The following ARHGAP22 variants were observed in gnomAD, a reference collection of about 807,000 sequenced individuals.
ARHGAP22 encodes the protein rho GTPase-activating protein 22.
In ARHGAP22, 48 loss-of-function variants were observed where a neutral mutation model predicts 59.1. That is an observed-to-expected ratio of 0.81 (90% CI 0.64 to 1.03). The LOEUF is 1.03. ARHGAP22 is among the 50% of genes least tolerant of loss of function. The pLI is 0.00. For synonymous variants in ARHGAP22, 445 were observed against 416.4 expected, an observed-to-expected ratio of 1.07 and a Z score of -0.84; for missense variants, 1,015 against 958.7, an observed-to-expected ratio of 1.06 and a Z score of -0.78.
intron 3 of ARHGAP22, among the ~76,000 whole-genome samples, chr10:48,520,784 G>A (rs1331689418): frequency 6.6e-6 from 1 of 152,126 alleles, no homozygotes; most frequent in African/African-American, 2.4e-5. Flanking sequence ...GCAGCAGGAA[G>A]GGTGAGGGGC....
intron 1 of ARHGAP22, among the ~76,000 whole-genome samples, chr10:48,619,991 A>G (rs1377660634): frequency 6.6e-6 from 1 of 152,254 alleles, no homozygotes; most frequent in Non-Finnish European, 1.5e-5. Context: ...GAACTCAAAT[A>G]CCTCAAAAAC....
intron 2 of ARHGAP22, among the ~76,000 whole-genome samples, chr10:48,573,143 C>T (rs1319686729): frequency 1.3e-5 from 2 of 152,204 alleles, no homozygotes; most frequent in Non-Finnish European, 2.9e-5. Context: ...AGGTTGGAGC[C>T]ATGTCGCCTG....
chr10:48,472,076 G>A (rs1271931229), intron 4 of ARHGAP22, among the ~76,000 whole-genome samples: 6 of 151,822 alleles, frequency 4.0e-5, no homozygotes, highest in Non-Finnish European at 7.4e-5. Flanking sequence ...GTGCGGTGGC[G>A]GGTGCCTGTA....
chr10:48,605,744 T>C (rs2060646088), upstream of ARHGAP22, among the ~76,000 whole-genome samples: 1 of 152,212 alleles, frequency 6.6e-6, no homozygotes, highest in South Asian at 2.1e-4. Flanking sequence ...TGTCAGGCAC[T>C]GAGGCTGGTG....
intron 3 of ARHGAP22, among the ~76,000 whole-genome samples, chr10:48,540,343 T>C (rs2055814152): frequency 6.6e-6 from 1 of 152,222 alleles, no homozygotes; most frequent in African/African-American, 2.4e-5. Context: ...TTCATTCTCC[T>C]GCCTCAGCCT....
chr10:48,597,111 C>A (rs958404789), intron 1 of ARHGAP22, among the ~76,000 whole-genome samples: 1 of 152,194 alleles, frequency 6.6e-6, no homozygotes, highest in African/African-American at 2.4e-5. Context: ...ATCCCTTATG[C>A]TGCCCCTGGG....
intron 2 of ARHGAP22, among the ~76,000 whole-genome samples, chr10:48,561,950 G>A (rs183251632): frequency 1.7e-3 from 252 of 152,298 alleles, no homozygotes; most frequent in Non-Finnish European, 2.7e-3. Context: ...CATACTGCCC[G>A]GAGCAGTGGC....
intron 3 of ARHGAP22, among the ~76,000 whole-genome samples, chr10:48,550,230 C>G (rs1253794787): frequency 2.6e-5 from 4 of 152,236 alleles, no homozygotes; most frequent in African/African-American, 9.6e-5. Context: ...TCCCCTCCTC[C>G]AGGCTCACAC....
At chr10:48,493,668 C>G in intron 3 of ARHGAP22, 1 of 1,403,006 alleles carries the variant, frequency 7.1e-7, no homozygotes, top group Non-Finnish European at 9.2e-7. Flanking sequence ...TGGGGAACTT[C>G]TGCATTTATC....
chr10:48,457,651 G>C (rs991669086), intron 5 of ARHGAP22, among the ~76,000 whole-genome samples: 2 of 152,178 alleles, frequency 1.3e-5, no homozygotes, highest in Admixed American at 1.3e-4. Flanking sequence ...CCAGTGCCCA[G>C]GGGACACTGT....
At chr10:48,540,037 C>T (rs1202850461) in intron 3 of ARHGAP22, among the ~76,000 whole-genome samples, 1 of 152,190 alleles carries the variant, frequency 6.6e-6, no homozygotes, top group Non-Finnish European at 1.5e-5. Flanking sequence ...GACCTCAGAT[C>T]TGGGGAGAGG....
chr10:48,465,846 G>A (rs2047607635), intron 4 of ARHGAP22, among the ~76,000 whole-genome samples: 1 of 152,076 alleles, frequency 6.6e-6, no homozygotes, highest in East Asian at 1.9e-4. Flanking sequence ...TCTGCTCTCG[G>A]GTCCCCTGTA....
chr10:48,453,689 G>A (rs1197899786), intron 7 of ARHGAP22, among the ~76,000 whole-genome samples: 1 of 152,248 alleles, frequency 6.6e-6, no homozygotes, highest in Non-Finnish European at 1.5e-5. Context: ...ATTGTAGTGG[G>A]CACAAATTCT....
At chr10:48,540,057 G>A (rs979270599) in intron 3 of ARHGAP22, among the ~76,000 whole-genome samples, 1 of 152,188 alleles carries the variant, frequency 6.6e-6, no homozygotes, top group African/African-American at 2.4e-5. Context: ...GCTGAGCCGT[G>A]ATTGAAACTC....
chr10:48,523,943 T>C, intron 3 of ARHGAP22: 1 of 911,984 alleles, frequency 1.1e-6, no homozygotes, highest in Non-Finnish European at 1.5e-6. Context: ...TTTCCAAAGC[T>C]GAGGCAGGTG....
chr10:48,550,770 G>A (rs1303806191), intron 3 of ARHGAP22, among the ~76,000 whole-genome samples: 2 of 152,202 alleles, frequency 1.3e-5, no homozygotes, highest in African/African-American at 4.8e-5. Context: ...ATACAAAAAA[G>A]CTAAGCTCAC....
At chr10:48,632,175 C>T (rs1388076275) in intron 1 of ARHGAP22, among the ~76,000 whole-genome samples, 1 of 152,204 alleles carries the variant, frequency 6.6e-6, no homozygotes, top group Non-Finnish European at 1.5e-5. Flanking sequence ...TACGCCTTTG[C>T]ATCCTCATAA....
At chr10:48,479,313 T>C (rs1480958806) in intron 4 of ARHGAP22, 2 of 454,220 alleles carry the variant, frequency 4.4e-6, no homozygotes, top group Non-Finnish European at 7.8e-6. Context: ...CACATGTCCT[T>C]GTCTACCATC....
intron 4 of ARHGAP22, chr10:48,479,245 G>T (rs576369079): frequency 1.8e-4 from 44 of 244,832 alleles, no homozygotes; most frequent in African/African-American, 9.3e-4. Flanking sequence ...CACCCCCGCC[G>T]TCCTCTCACT....
Sources: allele counts gnomAD v4.1 joint callset (sites outside exome capture counted in the v4.1 genomes callset), GRCh38; gene constraint gnomAD v4.1.1; transcripts MANE v1.5; gene names NCBI Gene and HGNC (gene_info 2026-07-23, HGNC 2026-07-21).